HDAC9: variants seen among roughly 807,000 people sequenced by gnomAD.
HDAC9 encodes MEF-2 interacting transcription repressor (MITR) protein.
A neutral mutation model predicts 139.4 loss-of-function variants in HDAC9; 41 were observed. That is an observed-to-expected ratio of 0.29 (90% CI 0.23 to 0.38). HDAC9 has a LOEUF of 0.38. Ranked by LOEUF, HDAC9 falls within the 10% of genes least tolerant of loss-of-function variation. The pLI, the probability that HDAC9 is intolerant of heterozygous loss-of-function variation, is 1.00. For missense variants in HDAC9, 1,147 were observed against 1,297.0 expected, an observed-to-expected ratio of 0.88 and a Z score of 1.78; for synonymous variants, 517 against 476.2, an observed-to-expected ratio of 1.09 and a Z score of -1.12.
intron 1 of HDAC9, among the ~76,000 whole-genome samples, chr7:18,405,423 C>G (rs1461828660): frequency 2.0e-5 from 3 of 152,128 alleles, no homozygotes; most frequent in African/African-American, 7.2e-5. Context: ...AATCATCCCC[C>G]TATCTTACTC....
chr7:18,987,266 T>G (rs1209688373), intron 25 of HDAC9, among the ~76,000 whole-genome samples: 5 of 152,216 alleles, frequency 3.3e-5, no homozygotes, highest in Admixed American at 3.3e-4. Context: ...TATTGGGAGT[T>G]TTTAGCATGA....
chr7:18,751,299 C>T (rs1362053975), intron 14 of HDAC9, among the ~76,000 whole-genome samples: 1 of 152,062 alleles, frequency 6.6e-6, no homozygotes, highest in Non-Finnish European at 1.5e-5. Context: ...CACTTAATCA[C>T]AAAATTAACA....
At position 18,567,368 on chromosome 7, in the gene HDAC9, G is replaced by T. The variant is rs553202810; in HGVS notation, c.23-17913G>T. Among the ~76,000 whole-genome samples, 7 of 152,240 alleles carry T rather than the reference G, an allele frequency of 4.6e-5. No homozygotes were observed. In the East Asian group the frequency reaches 9.6e-4, roughly 21 times the overall value. On this transcript the variant is annotated intron_variant, in intron 2 of 25. Transcript: ENST00000686413. ...AGCATAGAGACAAATTGCACTGTTTGTTGTTCTCTCATTTCTTTTGTTTAA... is the reference window on the plus strand; with the variant it reads ...AGCATAGAGACAAATTGCACTGTTTTTTGTTCTCTCATTTCTTTTGTTTAA...
At chr7:18,541,166 T>TC (rs1554482348) in intron 2 of HDAC9, among the ~76,000 whole-genome samples, 24 of 147,456 alleles carry the variant, frequency 1.6e-4, no homozygotes, top group Admixed American at 5.5e-4. Flanking sequence ...TTTTTTTTTT[T>TC]CTGATTGAAA....
intron 12 of HDAC9, chr7:18,666,860 C>T: frequency 9.7e-7 from 1 of 1,033,364 alleles, no homozygotes; most frequent in Non-Finnish European, 1.2e-6. Flanking sequence ...TCAGTGACTG[C>T]TGGATAGTCT....
chr7:18,092,401 T>TTC (rs1364380920), intron 1 of HDAC9, among the ~76,000 whole-genome samples: 64 of 148,326 alleles, frequency 4.3e-4, no homozygotes, highest in African/African-American at 4.5e-4. Flanking sequence ...CTTTCTTTCT[T>TTC]TTTTTTTTTT....
chr7:18,865,214 G>A (rs367977620), intron 21 of HDAC9, among the ~76,000 whole-genome samples: 1 of 152,196 alleles, frequency 6.6e-6, no homozygotes, highest in East Asian at 1.9e-4. Context: ...ATCCAGGTGA[G>A]CAGTAAAGTT....
At chr7:18,702,620 G>A (rs1420163934) in intron 12 of HDAC9, among the ~76,000 whole-genome samples, 1 of 152,216 alleles carries the variant, frequency 6.6e-6, no homozygotes, top group Non-Finnish European at 1.5e-5. Context: ...AAAGAGGAGA[G>A]ATGGAGAAGA....
intron 12 of HDAC9, among the ~76,000 whole-genome samples, chr7:18,699,514 G>A (rs554770686): frequency 6.6e-6 from 1 of 152,224 alleles, no homozygotes; most frequent in Admixed American, 6.5e-5. Context: ...TATAAAATCA[G>A]TACAGAAGAA....
intron 2 of HDAC9, among the ~76,000 whole-genome samples, chr7:18,581,355 C>A (rs948589219): frequency 3.6e-4 from 54 of 152,042 alleles, no homozygotes; most frequent in Non-Finnish European, 1.5e-4. Flanking sequence ...TGATTTTTCA[C>A]AATTTAGTGA....
intron 14 of HDAC9, among the ~76,000 whole-genome samples, chr7:18,754,702 G>GCTA (rs1342807088): frequency 6.6e-6 from 1 of 152,090 alleles, no homozygotes; most frequent in Non-Finnish European, 1.5e-5. Flanking sequence ...GCAAAACCAA[G>GCTA]CTACTGTTGT....
At chr7:18,907,273 G>A (rs552844607) in intron 22 of HDAC9, among the ~76,000 whole-genome samples, 2 of 152,202 alleles carry the variant, frequency 1.3e-5, no homozygotes, top group South Asian at 4.1e-4. Context: ...TAAATCAATG[G>A]AATTCTGTGA....
At chr7:18,746,182 T>C (rs183767405) in intron 13 of HDAC9, among the ~76,000 whole-genome samples, 204 of 152,318 alleles carry the variant, frequency 1.3e-3, no homozygotes, top group African/African-American at 4.6e-3. Flanking sequence ...AAAATATATT[T>C]TCAAAATGAG....
At chr7:18,819,385 G>A (rs1330156767) in intron 17 of HDAC9, among the ~76,000 whole-genome samples, 3 of 152,156 alleles carry the variant, frequency 2.0e-5, no homozygotes, top group Admixed American at 1.3e-4. Context: ...CCTAGGCAGA[G>A]TTTCACTATG....
chr7:18,187,561 A>T lies in HDAC9; in HGVS notation c.25+25212A>T, dbSNP rs1259208081. Among the ~76,000 whole-genome samples, 3 of 152,118 alleles carry T rather than the reference A, an allele frequency of 2.0e-5. No individual in the cohort carries two copies. The East Asian group carries it at 5.8e-4, about 29-fold the overall frequency. ...AACTCTTAACTCTATTCCCCTCCAC[A>T]TCAAATCTGTTCCAATCTTGACAAA... On this transcript the variant is annotated intron_variant, in intron 2 of 12. Transcript: ENST00000417496.
intron 2 of HDAC9, among the ~76,000 whole-genome samples, chr7:18,254,422 T>C (rs1466295214): frequency 7.9e-5 from 12 of 152,178 alleles, no homozygotes; most frequent in Non-Finnish European, 8.8e-5. Flanking sequence ...CAAACAATTA[T>C]ATATATGAGG....
intron 1 of HDAC9, among the ~76,000 whole-genome samples, chr7:18,364,044 A>G (rs1783989156): frequency 6.6e-6 from 1 of 152,140 alleles, no homozygotes; most frequent in Non-Finnish European, 1.5e-5. Flanking sequence ...TATCTATAAA[A>G]TTTCCCACAA....
intron 17 of HDAC9, among the ~76,000 whole-genome samples, chr7:18,823,466 A>G (rs1466077967): frequency 1.3e-5 from 2 of 152,204 alleles, no homozygotes; most frequent in African/African-American, 4.8e-5. Flanking sequence ...GGGACAGAGC[A>G]GGTGTGACTT....
intron 16 of HDAC9, among the ~76,000 whole-genome samples, chr7:18,779,782 C>T (rs1404443498): frequency 6.6e-6 from 1 of 152,004 alleles, no homozygotes; most frequent in Non-Finnish European, 1.5e-5. Flanking sequence ...TTCAGGTCTG[C>T]AGAGGGTAAA....
Sources: allele counts gnomAD v4.1 joint callset (sites outside exome capture counted in the v4.1 genomes callset), GRCh38; gene constraint gnomAD v4.1.1; transcripts MANE v1.5; gene names NCBI Gene and HGNC (gene_info 2026-07-23, HGNC 2026-07-21).